The following ATG3 variants were observed in gnomAD, a reference collection of about 807,000 sequenced individuals.
ATG3 encodes the protein ubiquitin-like-conjugating enzyme ATG3.
Under a neutral mutation model 50.7 loss-of-function variants are expected in ATG3, and 25 were observed. The ratio of observed to expected loss-of-function variants is 0.49; its 90% CI spans 0.36 to 0.69. The LOEUF is 0.69. Ranked by LOEUF, ATG3 falls within the 30% of genes least tolerant of loss-of-function variation. The pLI, the probability that ATG3 is intolerant of heterozygous loss-of-function variation, is 0.00. For missense variants in ATG3, 281 were observed against 376.0 expected, an observed-to-expected ratio of 0.75 and a Z score of 2.09; for synonymous variants, 119 against 125.5, an observed-to-expected ratio of 0.95 and a Z score of 0.34.
At chr3:112,555,497 A>C (rs998772547) in intron 2 of ATG3, among the ~76,000 whole-genome samples, 3 of 152,208 alleles carry the variant, frequency 2.0e-5, no homozygotes, top group Non-Finnish European at 4.4e-5. Context: ...CTACTTAAAC[A>C]AGTCATACAT....
chr3:112,549,638 GT>G (rs749185700), intron 4 of ATG3, among the ~76,000 whole-genome samples: 1 of 151,936 alleles, frequency 6.6e-6, no homozygotes, highest in Non-Finnish European at 1.5e-5. Context: ...GCAAAACCCT[GT>G]CTCTACTAAA....
chr3:112,549,176 C>T (rs1933457534), intron 4 of ATG3, among the ~76,000 whole-genome samples: 1 of 152,102 alleles, frequency 6.6e-6, no homozygotes. Flanking sequence ...CTTCTTTATA[C>T]CACACTAGTA....
At chr3:112,556,204 A>G (rs371977891) in intron 2 of ATG3, among the ~76,000 whole-genome samples, 1 of 152,252 alleles carries the variant, frequency 6.6e-6, no homozygotes, top group Non-Finnish European at 1.5e-5. Flanking sequence ...TATTTTATAG[A>G]TGAGGAAACA....
chr3:112,532,800 G>A lies in ATG3; in HGVS notation c.864-20C>T. On this transcript the variant is annotated intron_variant, in intron 11 of 11. Transcript: ENST00000283290. ...AGATACCTAAAGGTTTTTAGCTAAGGAAAATAAGATTTGTAAATAGTTCTA... is the reference window on the plus strand; with the variant it reads ...AGATACCTAAAGGTTTTTAGCTAAGAAAAATAAGATTTGTAAATAGTTCTA... The A allele has an allele frequency of 6.4e-7, 1 of 1,562,696 alleles. No individual in the cohort carries two copies. Among genetic ancestry groups the A allele is most frequent in the South Asian group, 1.2e-5 (1 of 83,954 alleles).
chr3:112,553,165 G>T, intron 3 of ATG3, 115 bp downstream of exon 3: 1 of 835,418 alleles, frequency 1.2e-6, no homozygotes, highest in Non-Finnish European at 2.0e-6. Flanking sequence ...AATCTGCTGG[G>T]GGGAAAGTTA....
chr3:112,533,346 T>C (rs1335967689), intron 11 of ATG3: 2 of 985,184 alleles, frequency 2.0e-6, no homozygotes, highest in African/African-American at 3.5e-5. Flanking sequence ...CAATTACTAT[T>C]ATGAATTATA....
At chr3:112,549,237 C>G (rs1483635302) in intron 4 of ATG3, among the ~76,000 whole-genome samples, 1 of 152,044 alleles carries the variant, frequency 6.6e-6, no homozygotes, top group Non-Finnish European at 1.5e-5. Context: ...TATTCATAAG[C>G]CTAAGATTGG....
At position 112,561,652 on chromosome 3, in the gene ATG3, G is replaced by T; in HGVS notation, c.-124C>A. 1 of 987,930 alleles carries T rather than the reference G, an allele frequency of 1.0e-6. No homozygotes were observed. Among genetic ancestry groups the T allele is most frequent in the Non-Finnish European group, 1.5e-6 (1 of 672,368 alleles). The allele number at this position is 987,930 out of a possible 1,614,324, so 61.2% of individuals were successfully genotyped here. On this transcript the variant is annotated 5_prime_UTR_variant, in exon 1 of 12. Coordinates refer to ENST00000283290, the MANE Select transcript of ATG3 (RefSeq NM_022488.5). ...CATCAGCACCCGGCTGGCAGCACCCGAGGGGACGGGACGCGACGCGACGGG... is the reference window on the plus strand; with the variant it reads ...CATCAGCACCCGGCTGGCAGCACCCTAGGGGACGGGACGCGACGCGACGGG...
At chr3:112,547,263 A>G (rs573315691) in intron 5 of ATG3, among the ~76,000 whole-genome samples, 16 of 152,246 alleles carry the variant, frequency 1.1e-4, no homozygotes, top group Non-Finnish European at 1.2e-4. Flanking sequence ...TCCAAAAAAC[A>G]GTGCCAAGGT....
chr3:112,560,100 C>T (rs911045528), intron 1 of ATG3, among the ~76,000 whole-genome samples: 2 of 152,148 alleles, frequency 1.3e-5, no homozygotes, highest in African/African-American at 2.4e-5. Flanking sequence ...GTATGATGGA[C>T]TCCTGAAAAC....
intron 7 of ATG3, among the ~76,000 whole-genome samples, chr3:112,538,723 T>C (rs1265806475): frequency 3.3e-5 from 5 of 152,206 alleles, no homozygotes; most frequent in Admixed American, 6.5e-5. Context: ...TTTCTGGACC[T>C]TGTCTCTCCT....
chr3:112,546,080 G>A (rs1439002762), intron 5 of ATG3, among the ~76,000 whole-genome samples: 1 of 152,092 alleles, frequency 6.6e-6, no homozygotes, highest in African/African-American at 2.4e-5. Context: ...GTCTGCCAGT[G>A]TGCCCTGCAG....
intron 3 of ATG3, among the ~76,000 whole-genome samples, chr3:112,550,671 G>GA (rs1343860300): frequency 1.4e-4 from 21 of 151,828 alleles, no homozygotes; most frequent in Non-Finnish European, 4.4e-5. Context: ...AGAAAAGGCA[G>GA]AAAAAAAAGC....
chr3:112,539,854 G>C (rs1317225965), intron 7 of ATG3, among the ~76,000 whole-genome samples: 2 of 152,136 alleles, frequency 1.3e-5, no homozygotes, highest in Non-Finnish European at 2.9e-5. Flanking sequence ...ATGACTATCA[G>C]ATATTTAAGG....
In ATG3 at chr3:112,544,578, C is replaced by T. The variant is rs1336007960; in HGVS notation, c.344-472G>A. Among the ~76,000 whole-genome samples, 58 of 136,112 alleles carry T rather than the reference C, an allele frequency of 4.3e-4. 1 individual carries two copies. In the Admixed American group the frequency reaches 4.3e-3, roughly 10 times the overall value. The allele number at this position is 136,112 out of a possible 152,430, so 89.3% of individuals were successfully genotyped here. Reference sequence around the variant, plus strand: ...CTGAGACAGGAGAATCGCTTGGACCCGGAAGGTGGAGGTTGCAATGAGCCG... The same window carrying T: ...CTGAGACAGGAGAATCGCTTGGACCTGGAAGGTGGAGGTTGCAATGAGCCG... On this transcript the variant is annotated intron_variant, in intron 5 of 11. Coordinates refer to ENST00000283290, the MANE Select transcript of ATG3 (RefSeq NM_022488.5).
intron 5 of ATG3, among the ~76,000 whole-genome samples, chr3:112,546,383 T>C (rs533234110): frequency 2.6e-5 from 4 of 152,262 alleles, no homozygotes; most frequent in Non-Finnish European, 4.4e-5. Context: ...ATGCATACAC[T>C]AGACAATGGG....
Position 112,536,338 on chromosome 3 carries a change from G to C in ATG3, c.794+137C>G. 5 of 973,592 alleles carry C rather than the reference G, an allele frequency of 5.1e-6. No individual in the cohort carries two copies. The South Asian group carries it at 9.8e-5, about 19-fold the overall frequency. The allele number at this position is 973,592 out of a possible 1,614,324, so 60.3% of individuals were successfully genotyped here. On this transcript the variant is annotated intron_variant, in intron 10 of 11. Coordinates refer to ENST00000283290, the MANE Select transcript of ATG3 (RefSeq NM_022488.5). ...TATTTAAGCACAAGAAAATTTCTAA[G>C]GAGGACAAGAGAGAATTTTACTTTT...
intron 11 of ATG3, chr3:112,533,974 T>C (rs1221803182): frequency 8.7e-7 from 1 of 1,146,308 alleles, no homozygotes; most frequent in African/African-American, 1.6e-5. Context: ...GGTAACATGT[T>C]AAACTGGAAA....
intron 5 of ATG3, among the ~76,000 whole-genome samples, chr3:112,546,390 T>C (rs907414840): frequency 6.6e-6 from 1 of 152,144 alleles, no homozygotes; most frequent in Non-Finnish European, 1.5e-5. Context: ...CACTAGACAA[T>C]GGGATGATTC....
Sources: allele counts gnomAD v4.1 joint callset (sites outside exome capture counted in the v4.1 genomes callset), GRCh38; gene constraint gnomAD v4.1.1; transcripts MANE v1.5; gene names NCBI Gene and HGNC (gene_info 2026-07-23, HGNC 2026-07-21).